CNTNAP5: variants seen among roughly 807,000 people sequenced by gnomAD.
The protein encoded by CNTNAP5 is contactin-associated protein-like 5.
CNTNAP5 carries 72 observed loss-of-function variants against 150.2 expected under a neutral mutation model. The ratio of observed to expected loss-of-function variants is 0.48; its 90% CI spans 0.40 to 0.58. The LOEUF is 0.58. CNTNAP5 is among the 20% of genes least tolerant of loss of function. The pLI is 0.00. For missense variants in CNTNAP5, 1,636 were observed against 1,626.2 expected (o/e 1.01, Z -0.10); for synonymous variants, 672 against 619.8 (o/e 1.08, Z -1.25).
rs190016123 is a variant in CNTNAP5, at chr2:124,719,102, T to C, written c.2078-28127T>C. On this transcript the variant is annotated intron_variant, in intron 13 of 23. Coordinates refer to ENST00000682447, the MANE Select transcript of CNTNAP5 (RefSeq NM_001367498.1). ...TTGTCATGGATCAAAGTATAAGTAG[T>C]CTGTCAAGGCCAGGTTTAAATTTAA... Among the ~76,000 whole-genome samples the C allele has an allele frequency of 6.6e-5, 10 of 152,286 alleles. No homozygotes were observed. In the East Asian group the frequency reaches 1.9e-3, roughly 29 times the overall value.
chr2:124,168,742 T>TA (rs916351401), intron 1 of CNTNAP5, among the ~76,000 whole-genome samples: 7 of 151,922 alleles, frequency 4.6e-5, no homozygotes, highest in Admixed American at 2.0e-4. Context: ...AAATATAGAG[T>TA]AAAAAAAATA....
intron 3 of CNTNAP5, among the ~76,000 whole-genome samples, chr2:124,390,357 C>A (rs996885542): frequency 1.3e-5 from 2 of 152,226 alleles, no homozygotes; most frequent in Non-Finnish European, 2.9e-5. Flanking sequence ...AGTTACATCT[C>A]TTCCATGATA....
At chr2:124,426,056 A>C (rs1692230888) in intron 4 of CNTNAP5, among the ~76,000 whole-genome samples, 2 of 152,144 alleles carry the variant, frequency 1.3e-5, no homozygotes. Context: ...AAACAAAACA[A>C]AAAAAAACCT....
intron 6 of CNTNAP5, among the ~76,000 whole-genome samples, chr2:124,457,858 A>G (rs755925409): frequency 6.6e-6 from 1 of 152,156 alleles, no homozygotes; most frequent in Admixed American, 6.5e-5. Context: ...CAAAACCACA[A>G]TGTGATACCA....
chr2:124,260,967 C>A (rs1558823975), intron 3 of CNTNAP5, among the ~76,000 whole-genome samples: 4 of 152,044 alleles, frequency 2.6e-5, no homozygotes, highest in African/African-American at 7.2e-5. Context: ...TTTAATATGT[C>A]ATTTTAAAAG....
chr2:124,268,312 A>G (rs1687663499), intron 3 of CNTNAP5, among the ~76,000 whole-genome samples: 1 of 152,156 alleles, frequency 6.6e-6, no homozygotes, highest in South Asian at 2.1e-4. Flanking sequence ...CGATTTGTAA[A>G]TTGATGTACT....
At chr2:124,424,183 T>C (rs1345725345) in intron 4 of CNTNAP5, among the ~76,000 whole-genome samples, 1 of 152,172 alleles carries the variant, frequency 6.6e-6, no homozygotes, top group Non-Finnish European at 1.5e-5. Context: ...AGATAAATAC[T>C]CTTGTAATTC....
intron 13 of CNTNAP5, among the ~76,000 whole-genome samples, chr2:124,723,155 A>G (rs946254177): frequency 5.9e-5 from 9 of 152,172 alleles, no homozygotes; most frequent in African/African-American, 2.2e-4. Context: ...GCTTTAATGT[A>G]TCTCTTCCAA....
At chr2:124,815,525 G>A (rs1682343064) in intron 19 of CNTNAP5, among the ~76,000 whole-genome samples, 1 of 152,120 alleles carries the variant, frequency 6.6e-6, no homozygotes, top group South Asian at 2.1e-4. Context: ...GAGCGGCCGA[G>A]CTTTCGTCTC....
chr2:124,082,341 T>C, intron 1 of CNTNAP5, among the ~76,000 whole-genome samples: 1 of 101,062 alleles, frequency 9.9e-6, no homozygotes, highest in African/African-American at 4.0e-5. Context: ...AGAGTGAGAC[T>C]CTCTCTCAAA....
chr2:124,166,782 T>C (rs1469666417), intron 1 of CNTNAP5, among the ~76,000 whole-genome samples: 1 of 152,124 alleles, frequency 6.6e-6, no homozygotes, highest in Non-Finnish European at 1.5e-5. Context: ...AAGACTAACA[T>C]GTCATTGGCA....
intron 16 of CNTNAP5, among the ~76,000 whole-genome samples, chr2:124,771,501 G>A (rs964131794): frequency 1.3e-5 from 2 of 152,114 alleles, no homozygotes; most frequent in Admixed American, 1.3e-4. Flanking sequence ...GTGCACTTTA[G>A]TTTTCTCACT....
rs1046480538 is a variant in CNTNAP5, at chr2:124,530,305, G to A, written c.1649+2849G>A. 8.5e-5 allele frequency among the ~76,000 whole-genome samples: 13 copies of A among 152,186 alleles called. No individual in the cohort carries two copies. The South Asian group carries it at 2.3e-3, about 27-fold the overall frequency. The stretch of plus-strand genomic sequence containing the variant: ...AGCCTGGGCGACAGAGCAAGACTCC[G>A]TCTAAAAATAAATAAATACATAAAT... On this transcript the variant is annotated intron_variant, in intron 10 of 23. Transcript: ENST00000682447.
chr2:124,256,094 T>A (rs150747476), intron 3 of CNTNAP5, among the ~76,000 whole-genome samples: 1 of 152,186 alleles, frequency 6.6e-6, no homozygotes, highest in African/African-American at 2.4e-5. Context: ...TTGGCTGATG[T>A]ATCTTATGCG....
intron 1 of CNTNAP5, among the ~76,000 whole-genome samples, chr2:124,217,852 C>T (rs577976792): frequency 3.3e-5 from 5 of 152,078 alleles, no homozygotes; most frequent in African/African-American, 1.2e-4. Flanking sequence ...TAAAATGACT[C>T]TATGGCTGGA....
intron 7 of CNTNAP5, among the ~76,000 whole-genome samples, chr2:124,493,135 A>G (rs958589666): frequency 8.6e-5 from 13 of 152,024 alleles, no homozygotes; most frequent in African/African-American, 3.1e-4. Flanking sequence ...TACTATGTTG[A>G]GATACATTCC....
intron 12 of CNTNAP5, among the ~76,000 whole-genome samples, chr2:124,646,862 A>G (rs61077089): frequency 0.013 from 2,023 of 152,252 alleles, 46 homozygotes; most frequent in African/African-American, 0.046. Flanking sequence ...GGTACCAGCT[A>G]CTTGGGAGGC....
chr2:124,809,466 C>T (rs1020446918), intron 19 of CNTNAP5, among the ~76,000 whole-genome samples: 3 of 151,332 alleles, frequency 2.0e-5, no homozygotes, highest in African/African-American at 7.3e-5. Flanking sequence ...CAGTGCAGTG[C>T]CATGATCATA....
At chr2:124,637,371 T>C (rs1677993053) in intron 12 of CNTNAP5, among the ~76,000 whole-genome samples, 1 of 152,244 alleles carries the variant, frequency 6.6e-6, no homozygotes, top group African/African-American at 2.4e-5. Context: ...CTTTGGATAT[T>C]TCTGATTATT....
Sources: gnomAD v4.1 joint callset for allele counts (sites outside exome capture counted in the v4.1 genomes callset) on GRCh38, gnomAD v4.1.1 for gene constraint, MANE v1.5 for transcripts, NCBI Gene and HGNC (gene_info 2026-07-23, HGNC 2026-07-21) for gene names.